Variants in PAICS observed in about 807,000 individuals in gnomAD.
PAICS encodes the protein bifunctional phosphoribosylaminoimidazole carboxylase/phosphoribosylaminoimidazole succinocarboxamide synthetase.
In PAICS, 33 loss-of-function variants were observed where a neutral mutation model predicts 53.7. The observed-to-expected ratio is 0.61, with a 90% CI of 0.47 to 0.82. The LOEUF (loss-of-function observed/expected upper bound fraction) is 0.82, where lower values mean the gene tolerates loss of function less well. Ranked by LOEUF, PAICS falls within the 40% of genes least tolerant of loss-of-function variation. The pLI is 0.00. For missense variants in PAICS, 394 were observed against 494.1 expected (o/e 0.80, Z 1.92); for synonymous variants, 141 against 167.2 (o/e 0.84, Z 1.21).
In PAICS at chr4:56,448,766, C is replaced by G. The variant is rs1242695903; in HGVS notation, c.630C>G (p.Asp210Glu). The G allele has an allele frequency of 2.1e-5, 34 of 1,599,208 alleles. No homozygotes were observed. Among genetic ancestry groups the G allele is most frequent in the Non-Finnish European group, 2.9e-5 (34 of 1,171,776 alleles). ...AAATTGTTCTTGCTGATGTTATTGA[C>G]AATGATTCCTGGAGACTCTGGCCAT... ...TKEIVLADVI[D>E]NDSWRLWPSG... Residue 210 changes from aspartate (D) to glutamate (E), a missense_variant, in exon 5 of 9, where the codon GAC (aspartate) becomes GAG (glutamate). Physicochemically the swap from Asp to Glu is conservative, Grantham distance 45. Coordinates refer to ENST00000512576, the MANE Select transcript of PAICS (RefSeq NM_001079524.2).
In PAICS at chr4:56,442,949, G is replaced by A. The variant is rs1433614285; in HGVS notation, c.214+1089G>A. 3.3e-5 allele frequency among the ~76,000 whole-genome samples: 5 copies of A among 152,106 alleles called. 1 individual carries two copies. In the South Asian group the frequency reaches 1.0e-3, roughly 32 times the overall value. Reference sequence around the variant, plus strand: ...TGATTAATGTGAAAAAGATTTAATTGCAAACCTGGATTGTCATCTACATCA... The same window carrying A: ...TGATTAATGTGAAAAAGATTTAATTACAAACCTGGATTGTCATCTACATCA... On this transcript the variant is annotated intron_variant, in intron 2 of 8. Coordinates refer to ENST00000512576, the MANE Select transcript of PAICS (RefSeq NM_001079524.2).
chr4:56,436,005 G>A, upstream of PAICS: 11 of 1,523,422 alleles, frequency 7.2e-6, no homozygotes, highest in Admixed American at 7.1e-5. Flanking sequence ...GTGGGGAGGG[G>A]CCGCCAGTGC....
chr4:56,427,777 T>A, the PAICS span, among the ~76,000 whole-genome samples: 3 of 152,214 alleles, frequency 2.0e-5, no homozygotes, highest in Non-Finnish European at 4.4e-5. Flanking sequence ...CTGCTGCACA[T>A]CATCACCCCA....
intron 8 of PAICS, among the ~76,000 whole-genome samples, chr4:56,457,956 T>G (rs1445240007): frequency 6.6e-6 from 1 of 152,206 alleles, no homozygotes; most frequent in African/African-American, 2.4e-5. Context: ...AGAATTAAAT[T>G]TTGTGCCTAA....
Position 56,459,493 on chromosome 4 carries a change from T to A in PAICS, c.1233T>A (p.Ile411=). 1 of 1,591,050 alleles carries A rather than the reference T, an allele frequency of 6.3e-7. No homozygotes were observed. The highest frequency in any genetic ancestry group is 8.6e-7 in the Non-Finnish European group (1 of 1,162,998). ...GAGCAAGCATTTTGAACACATGGAT[T>A]TCCTTGAAGCAGGCTGACAAGAAAA... is the stretch of plus-strand genomic sequence containing the variant. ...KLRASILNTW[I]SLKQADKKIR... is the part of the protein sequence containing the mutation. The change falls in exon 9 of 9, where the codon ATT becomes ATA. Residue 411 remains isoleucine (I), a synonymous_variant. Transcript: ENST00000512576.
chr4:56,456,570 G>C (rs1478552019), intron 8 of PAICS, among the ~76,000 whole-genome samples: 2 of 151,838 alleles, frequency 1.3e-5, no homozygotes, highest in Non-Finnish European at 2.9e-5. Flanking sequence ...CATCACACCT[G>C]GTTAATTTTT....
At chr4:56,435,206 C>G, upstream of PAICS, 1 of 1,239,114 alleles carries the variant, frequency 8.1e-7, no homozygotes, top group Non-Finnish European at 1.1e-6. Flanking sequence ...CTAGGCAACC[C>G]GGTCGACGCC....
At chr4:56,412,635 A>G in the PAICS span, among the ~76,000 whole-genome samples, 18 of 152,264 alleles carry the variant, frequency 1.2e-4, no homozygotes, top group African/African-American at 4.3e-4. Flanking sequence ...TAGCATCACT[A>G]TATTTCCAAT....
chr4:56,436,427 C>T (rs752799851), intron 1 of PAICS, 99 bp downstream of exon 1: 157 of 1,024,196 alleles, frequency 1.5e-4, no homozygotes, highest in Non-Finnish European at 2.2e-4. Context: ...CGCCTCCCTG[C>T]AGCAGCGCCT....
At chr4:56,448,273 G>T (rs772621840) in intron 3 of PAICS, 145 bp from the exon 4 acceptor site, 8 of 538,992 alleles carry the variant, frequency 1.5e-5, no homozygotes, top group Non-Finnish European at 2.3e-5. Context: ...CTAAAGTGCT[G>T]GGATTACAGG....
At chr4:56,411,734 C>T in the PAICS span, among the ~76,000 whole-genome samples, 2 of 152,170 alleles carry the variant, frequency 1.3e-5, no homozygotes, top group South Asian at 4.1e-4. Flanking sequence ...TTTAGTAATG[C>T]GAAACCTCAA....
chr4:56,425,300 AATT>A, the PAICS span: 2 of 171,078 alleles, frequency 1.2e-5, no homozygotes, highest in African/African-American at 4.8e-5. Flanking sequence ...TTAGCAGTAA[AATT>A]ATTACATAAA....
intron 7 of PAICS, among the ~76,000 whole-genome samples, chr4:56,452,659 A>G (rs925162073): frequency 6.6e-6 from 1 of 152,216 alleles, no homozygotes; most frequent in African/African-American, 2.4e-5. Context: ...ATATACTCCA[A>G]TAGAAAATAG....
At chr4:56,453,112 T>C (rs1222557457) in intron 7 of PAICS, among the ~76,000 whole-genome samples, 1 of 152,214 alleles carries the variant, frequency 6.6e-6, no homozygotes, top group Non-Finnish European at 1.5e-5. Context: ...TTAAAAAATG[T>C]ATCAAAGGGC....
intron 2 of PAICS, among the ~76,000 whole-genome samples, chr4:56,444,742 GT>G (rs1440919555): frequency 6.6e-6 from 1 of 152,064 alleles, no homozygotes; most frequent in Non-Finnish European, 1.5e-5. Flanking sequence ...GGGATTTTTT[GT>G]GCAGAGATGA....
the PAICS span, among the ~76,000 whole-genome samples, chr4:56,430,642 T>C: frequency 6.6e-6 from 1 of 151,806 alleles, no homozygotes; most frequent in East Asian, 1.9e-4. Context: ...TTTTTCTATG[T>C]CTGGATATAA....
At chr4:56,430,870 G>A (rs893708619), upstream of PAICS, among the ~76,000 whole-genome samples, 1 of 151,870 alleles carries the variant, frequency 6.6e-6, no homozygotes, top group African/African-American at 2.4e-5. Context: ...AAAACCTGGG[G>A]CTAGATTTCA....
In PAICS at chr4:56,460,333, G is replaced by A. The variant is rs1719445344; in HGVS notation, c.*795G>A. 1 of 152,126 alleles carries A rather than the reference G, an allele frequency of 6.6e-6. No homozygotes were observed. 9.4% of individuals were successfully genotyped at this position (152,126 alleles called of 1,614,324 possible). A position where few individuals can be genotyped will look rare whatever the true frequency, so the allele number is the denominator to read the frequency against. ...AAGTCAGAAGCTTGATTTCATCATT[G>A]ATGTTTTTCTCACGTTTCACATCTC... is the stretch of plus-strand genomic sequence containing the variant. On this transcript the variant is annotated 3_prime_UTR_variant, in exon 9 of 9. Transcript: ENST00000512576.
chr4:56,453,991 A>G (rs1719057257), intron 8 of PAICS, among the ~76,000 whole-genome samples: 1 of 152,224 alleles, frequency 6.6e-6, no homozygotes, highest in Admixed American at 6.5e-5. Flanking sequence ...TAGTTTTTAA[A>G]TCATAATCAT....
Sources: allele counts gnomAD v4.1 joint callset (sites outside exome capture counted in the v4.1 genomes callset), GRCh38; gene constraint gnomAD v4.1.1; transcripts MANE v1.5; gene names NCBI Gene and HGNC (gene_info 2026-07-23, HGNC 2026-07-21).